VTI1A: variants seen among roughly 807,000 people sequenced by gnomAD.
The protein encoded by VTI1A is vesicle transport through interaction with t-SNAREs 1A.
A neutral mutation model predicts 34.9 loss-of-function variants in VTI1A; 22 were observed. The ratio of observed to expected loss-of-function variants is 0.63; its 90% confidence interval spans 0.45 to 0.90. The LOEUF (loss-of-function observed/expected upper bound fraction) is 0.90. VTI1A is among the 40% of genes least tolerant of loss of function. The probability of loss-of-function intolerance (pLI) is 0.00; values close to 1 mark genes in which losing one functional copy is unlikely to be tolerated. For synonymous variants in VTI1A, 87 were observed against 97.3 expected, an observed-to-expected ratio of 0.89 and a Z score of 0.62; for missense variants, 268 against 275.6, an observed-to-expected ratio of 0.97 and a Z score of 0.20.
At chr10:112,760,501 G>A (rs1368847096) in intron 7 of VTI1A, among the ~76,000 whole-genome samples, 2 of 152,170 alleles carry the variant, frequency 1.3e-5, no homozygotes, top group Non-Finnish European at 2.9e-5. Flanking sequence ...TTAAAACCTA[G>A]TGTTGAGACT....
At chr10:112,490,611 ATTTT>A (rs10694500) in intron 3 of VTI1A, among the ~76,000 whole-genome samples, 2 of 143,246 alleles carry the variant, frequency 1.4e-5, no homozygotes, top group African/African-American at 5.1e-5. Context: ...AGATGCTACA[ATTTT>A]TTTTTTTTTT....
chr10:112,702,020 A>G (rs1849025408), intron 7 of VTI1A, among the ~76,000 whole-genome samples: 1 of 152,172 alleles, frequency 6.6e-6, no homozygotes, highest in Non-Finnish European at 1.5e-5. Flanking sequence ...TCAGTGAGAA[A>G]GGAAAAGGGA....
chr10:112,568,918 G>T (rs1292961440), intron 5 of VTI1A, among the ~76,000 whole-genome samples: 1 of 152,110 alleles, frequency 6.6e-6, no homozygotes, highest in Admixed American at 6.5e-5. Context: ...ACTTTGGGGG[G>T]CATATGTGGG....
At chr10:112,811,512 C>G (rs1853297760) in intron 7 of VTI1A, among the ~76,000 whole-genome samples, 1 of 151,704 alleles carries the variant, frequency 6.6e-6, no homozygotes, top group Non-Finnish European at 1.5e-5. Context: ...GAAACCCCGT[C>G]TCTACTAAAA....
At chr10:112,463,223 C>T (rs1404591384) in intron 2 of VTI1A, among the ~76,000 whole-genome samples, 2 of 152,124 alleles carry the variant, frequency 1.3e-5, no homozygotes, top group Non-Finnish European at 2.9e-5. Flanking sequence ...CTGCGCCTGG[C>T]CTGGTTTTTA....
chr10:112,627,703 A>G (rs1845975611), intron 5 of VTI1A, among the ~76,000 whole-genome samples: 1 of 152,198 alleles, frequency 6.6e-6, no homozygotes, highest in African/African-American at 2.4e-5. Context: ...TATTCAACAA[A>G]TATCGAAGCA....
chr10:112,535,472 C>T (rs879408941), intron 4 of VTI1A, among the ~76,000 whole-genome samples: 5 of 152,102 alleles, frequency 3.3e-5, no homozygotes, highest in Admixed American at 2.0e-4. Context: ...TGTTTTGTTT[C>T]GCTTGGAAAC....
chr10:112,594,861 T>C (rs1361739577), intron 5 of VTI1A, among the ~76,000 whole-genome samples: 1 of 151,902 alleles, frequency 6.6e-6, no homozygotes, highest in Non-Finnish European at 1.5e-5. Context: ...AAGTCAATCC[T>C]AAGCCAAAAG....
chr10:112,516,142 C>G (rs1015050030), intron 3 of VTI1A, among the ~76,000 whole-genome samples: 6 of 152,052 alleles, frequency 3.9e-5, no homozygotes, highest in African/African-American at 1.4e-4. Context: ...AGCGGAGCTT[C>G]TTGTGCAGAT....
At chr10:112,584,195 A>G (rs1844063348) in intron 5 of VTI1A, among the ~76,000 whole-genome samples, 1 of 152,204 alleles carries the variant, frequency 6.6e-6, no homozygotes, top group Non-Finnish European at 1.5e-5. Context: ...TAGTATTATT[A>G]TGGTAGTATT....
At chr10:112,796,959 G>C (rs904666093) in intron 7 of VTI1A, among the ~76,000 whole-genome samples, 3 of 152,154 alleles carry the variant, frequency 2.0e-5, no homozygotes, top group African/African-American at 7.2e-5. Context: ...AAGACTCAAA[G>C]CATAGCACAG....
chr10:112,587,136 G>T (rs975853592), intron 5 of VTI1A, among the ~76,000 whole-genome samples: 1 of 152,116 alleles, frequency 6.6e-6, no homozygotes, highest in Non-Finnish European at 1.5e-5. Flanking sequence ...ATCTGTTGCT[G>T]CAATAATGTT....
chr10:112,798,579 G>A (rs1852757190), intron 7 of VTI1A, among the ~76,000 whole-genome samples: 1 of 152,094 alleles, frequency 6.6e-6, no homozygotes, highest in African/African-American at 2.4e-5. Context: ...ACTCATTGCT[G>A]CCAAATACAG....
chr10:112,626,907 T>C (rs1845943089), intron 5 of VTI1A, among the ~76,000 whole-genome samples: 1 of 152,236 alleles, frequency 6.6e-6, no homozygotes, highest in Admixed American at 6.5e-5. Context: ...TTCCAAGATA[T>C]TTTGTTCTGT....
intron 7 of VTI1A, among the ~76,000 whole-genome samples, chr10:112,788,263 A>G (rs1270111900): frequency 2.6e-5 from 4 of 151,982 alleles, no homozygotes; most frequent in Non-Finnish European, 4.4e-5. Context: ...TCTGAGTATA[A>G]TTGTTGAACT....
chr10:112,628,326 A>G (rs1159122967), intron 5 of VTI1A, among the ~76,000 whole-genome samples: 1 of 152,170 alleles, frequency 6.6e-6, no homozygotes, highest in East Asian at 1.9e-4. Context: ...TTATAGGATT[A>G]ATATTATTGT....
chr10:112,687,948 C>CTTTTT (rs11442025), intron 7 of VTI1A, among the ~76,000 whole-genome samples: 1 of 115,574 alleles, frequency 8.7e-6, no homozygotes, highest in African/African-American at 3.4e-5. Flanking sequence ...GTGACCAAGT[C>CTTTTT]TTTTTTTTTT....
intron 7 of VTI1A, among the ~76,000 whole-genome samples, chr10:112,752,845 G>A (rs902671929): frequency 1.3e-5 from 2 of 152,130 alleles, no homozygotes; most frequent in African/African-American, 4.8e-5. Context: ...TGGGTATAGT[G>A]TAGACTTATT....
chr10:112,728,846 T>C (rs1213223199), intron 7 of VTI1A, among the ~76,000 whole-genome samples: 1 of 152,172 alleles, frequency 6.6e-6, no homozygotes, highest in Non-Finnish European at 1.5e-5. Flanking sequence ...CTATGCATTT[T>C]ATGTTAGTAG....
Sources: allele counts gnomAD v4.1 joint callset (sites outside exome capture counted in the v4.1 genomes callset), GRCh38; gene constraint gnomAD v4.1.1; transcripts MANE v1.5; gene names NCBI Gene and HGNC (gene_info 2026-07-23, HGNC 2026-07-21).